CSMD1: variants seen among roughly 807,000 people sequenced by gnomAD.
The protein encoded by CSMD1 is CUB and Sushi multiple domains 1, also known as CUB and sushi domain-containing protein 1.
In CSMD1, 213 loss-of-function variants were observed where a neutral mutation model predicts 417.5. That is an observed-to-expected ratio of 0.51 (90% CI 0.46 to 0.57). CSMD1 has a LOEUF of 0.57. CSMD1 is among the 20% of genes least tolerant of loss of function. The probability of loss-of-function intolerance (pLI) is 0.00; values close to 1 mark genes in which losing one functional copy is unlikely to be tolerated. For missense variants in CSMD1, 6,923 were observed against 4,529.7 expected, an observed-to-expected ratio of 1.53 and a Z score of -15.17; for synonymous variants, 2,862 against 1,736.8, an observed-to-expected ratio of 1.65 and a Z score of -16.11.
At chr8:3,938,755 A>G (rs1216696285) in intron 5 of CSMD1, among the ~76,000 whole-genome samples, 1 of 152,212 alleles carries the variant, frequency 6.6e-6, no homozygotes, top group Admixed American at 6.6e-5. Flanking sequence ...ATCTATGTCA[A>G]GTGCCTTTGT....
intron 23 of CSMD1, among the ~76,000 whole-genome samples, chr8:3,315,003 G>A (rs895255107): frequency 2.6e-5 from 4 of 152,142 alleles, no homozygotes; most frequent in African/African-American, 9.7e-5. Context: ...AGGAATACTG[G>A]TCATTTTTGA....
intron 1 of CSMD1, among the ~76,000 whole-genome samples, chr8:4,721,019 A>G (rs866250408): frequency 2.6e-5 from 4 of 152,302 alleles, no homozygotes; most frequent in Middle Eastern, 6.8e-3. Context: ...ACAGTTAATT[A>G]TTGTGTTTAT....
At chr8:4,929,354 T>C (rs944882023) in intron 1 of CSMD1, among the ~76,000 whole-genome samples, 1 of 151,934 alleles carries the variant, frequency 6.6e-6, no homozygotes, top group East Asian at 1.9e-4. Flanking sequence ...CAGTTTGTTA[T>C]GGCAGCCCCA....
intron 3 of CSMD1, among the ~76,000 whole-genome samples, chr8:4,048,728 T>A (rs537177754): frequency 6.6e-6 from 1 of 152,320 alleles, no homozygotes; most frequent in South Asian, 2.1e-4. Context: ...AATACATACA[T>A]GTATATCTAT....
chr8:4,381,669 G>T (rs1389355353), intron 3 of CSMD1, among the ~76,000 whole-genome samples: 1 of 152,144 alleles, frequency 6.6e-6, no homozygotes, highest in Non-Finnish European at 1.5e-5. Context: ...TCATTCCCCA[G>T]TGTTGTGTGG....
intron 20 of CSMD1, among the ~76,000 whole-genome samples, chr8:3,365,305 G>T (rs34596479): frequency 0.18 from 26,963 of 152,108 alleles, 2,544 homozygotes; most frequent in African/African-American, 0.23. Context: ...AACAAAGTCA[G>T]ATTAAGATAA....
intron 7 of CSMD1, among the ~76,000 whole-genome samples, chr8:3,647,059 G>A (rs1012135392): frequency 6.6e-6 from 1 of 152,272 alleles, no homozygotes; most frequent in Middle Eastern, 3.4e-3. Context: ...GTCAGCTCAG[G>A]TTTTCTTTTG....
At chr8:3,601,997 G>T (rs1801384495) in intron 8 of CSMD1, among the ~76,000 whole-genome samples, 1 of 152,124 alleles carries the variant, frequency 6.6e-6, no homozygotes, top group South Asian at 2.1e-4. Context: ...GGGTAGGGGA[G>T]GATGGGAAGT....
intron 1 of CSMD1, among the ~76,000 whole-genome samples, chr8:4,776,587 C>T (rs1171891277): frequency 6.6e-6 from 1 of 152,074 alleles, no homozygotes; most frequent in African/African-American, 2.4e-5. Flanking sequence ...TCTGCATAAA[C>T]GTTCGCGTTC....
intron 5 of CSMD1, among the ~76,000 whole-genome samples, chr8:3,811,908 C>G (rs955467046): frequency 6.6e-6 from 1 of 152,102 alleles, no homozygotes; most frequent in African/African-American, 2.4e-5. Context: ...CCTACAAAGT[C>G]TTAACAAAGC....
chr8:4,338,069 T>C (rs1379247695), intron 3 of CSMD1, among the ~76,000 whole-genome samples: 1 of 152,184 alleles, frequency 6.6e-6, no homozygotes, highest in Non-Finnish European at 1.5e-5. Context: ...CCCATCATAC[T>C]CTTTTTAATA....
intron 2 of CSMD1, among the ~76,000 whole-genome samples, chr8:4,543,892 A>C (rs1450508843): frequency 6.6e-6 from 1 of 152,066 alleles, no homozygotes. Context: ...TAAGATGTGG[A>C]GCGCCTTTTC....
At position 4,953,581 on chromosome 8, in the gene CSMD1, G is replaced by A. The variant is rs975138556; in HGVS notation, c.85+40751C>T. On this transcript the variant is annotated intron_variant, in intron 1 of 69. Transcript: ENST00000635120. ...TGTTTCTCACTGTTGAGAAACGATT[G>A]TCAACTAGTCATAAAATTTAGTAAA... is the stretch of plus-strand genomic sequence containing the variant. 2.0e-5 allele frequency among the ~76,000 whole-genome samples: 3 copies of A among 152,050 alleles called. No homozygotes were observed. In the South Asian group the frequency reaches 6.2e-4, roughly 31 times the overall value.
intron 33 of CSMD1, among the ~76,000 whole-genome samples, chr8:3,194,602 C>T (rs908262766): frequency 1.3e-5 from 2 of 151,042 alleles, no homozygotes; most frequent in African/African-American, 2.4e-5. Flanking sequence ...AGACTACAGG[C>T]ACATGCCACC....
chr8:3,569,410 G>C (rs777387462), intron 10 of CSMD1, among the ~76,000 whole-genome samples: 16 of 152,158 alleles, frequency 1.1e-4, no homozygotes, highest in Non-Finnish European at 2.4e-4. Context: ...GCCGAGATAA[G>C]ACTAGGAAAG....
intron 8 of CSMD1, among the ~76,000 whole-genome samples, chr8:3,601,179 G>A (rs1186256922): frequency 6.6e-6 from 1 of 152,148 alleles, no homozygotes; most frequent in African/African-American, 2.4e-5. Context: ...CATTGTGTCC[G>A]TGGGATTCCT....
At chr8:3,341,769 A>G (rs1807672153) in intron 23 of CSMD1, among the ~76,000 whole-genome samples, 1 of 152,208 alleles carries the variant, frequency 6.6e-6, no homozygotes, top group African/African-American at 2.4e-5. Flanking sequence ...GTAATTAGAC[A>G]AAATTTAATT....
intron 2 of CSMD1, among the ~76,000 whole-genome samples, chr8:4,627,960 G>C (rs926508184): frequency 6.6e-6 from 1 of 151,328 alleles, no homozygotes; most frequent in African/African-American, 2.4e-5. Context: ...ATACCTGTCA[G>C]ATTCTAAGAG....
intron 7 of CSMD1, among the ~76,000 whole-genome samples, chr8:3,678,312 C>A (rs1183445240): frequency 6.6e-6 from 1 of 152,144 alleles, no homozygotes; most frequent in Non-Finnish European, 1.5e-5. Context: ...GAATGGCTAA[C>A]TAGAATAACC....
Sources: allele counts gnomAD v4.1 joint callset (sites outside exome capture counted in the v4.1 genomes callset), GRCh38; gene constraint gnomAD v4.1.1; transcripts MANE v1.5; gene names NCBI Gene and HGNC (gene_info 2026-07-23, HGNC 2026-07-21).